The following HS6ST2 variants were observed in gnomAD, a reference collection of about 807,000 sequenced individuals.
HS6ST2 encodes the protein heparan-sulfate 6-O-sulfotransferase 2.
HS6ST2 carries 17 observed loss-of-function variants against 33.0 expected under a neutral mutation model. The observed-to-expected ratio is 0.52, with a 90% confidence interval of 0.35 to 0.77. The LOEUF is 0.77. Ranked by LOEUF, HS6ST2 falls within the 30% of genes least tolerant of loss-of-function variation. The probability of loss-of-function intolerance (pLI) is 0.01; values close to 1 mark genes in which losing one functional copy is unlikely to be tolerated. For missense variants in HS6ST2, 519 were observed against 551.7 expected (o/e 0.94, Z 0.59); for synonymous variants, 248 against 237.1 (o/e 1.05, Z -0.42).
At chrX:132,640,176 C>A (rs974463811) in intron 4 of HS6ST2, among the ~76,000 whole-genome samples, 1 of 109,510 alleles carries the variant, frequency 9.1e-6, no homozygotes, top group African/African-American at 3.3e-5. Flanking sequence ...CGGGTGCCAG[C>A]TTTCAACGGG....
chrX:132,676,651 AG>A (rs2063925416), intron 3 of HS6ST2, among the ~76,000 whole-genome samples: 1 of 111,744 alleles, frequency 8.9e-6, no homozygotes, highest in Non-Finnish European at 1.9e-5. Flanking sequence ...TTTTAAATGC[AG>A]GTGGCAGGGA....
At chrX:132,772,659 GCAATATAATTATATTGTATA>G (rs2148322635) in intron 2 of HS6ST2, among the ~76,000 whole-genome samples, 1 of 96,776 alleles carries the variant, frequency 1.0e-5, no homozygotes, top group Non-Finnish European at 2.0e-5. Flanking sequence ...ATAATTGTAT[GCAATATAATTATATTGTATA>G]CAATATAATT....
chrX:132,757,155 A>G (rs2064763676), intron 2 of HS6ST2, among the ~76,000 whole-genome samples: 1 of 111,723 alleles, frequency 9.0e-6, no homozygotes, highest in Non-Finnish European at 1.9e-5. Flanking sequence ...GAGAAACCCT[A>G]ACAGCTGGGG....
chrX:132,742,627 A>G (rs1204555448), intron 2 of HS6ST2, among the ~76,000 whole-genome samples: 1 of 112,302 alleles, frequency 8.9e-6, no homozygotes, highest in African/African-American at 3.2e-5. Flanking sequence ...TCCCAACAAC[A>G]GGTGCAATAC....
Position 132,815,261 on chromosome X carries a change from T to G in HS6ST2, c.948-106767A>C, listed in dbSNP as rs184644365. On this transcript the variant is annotated intron_variant, in intron 2 of 4. Transcript: ENST00000370833. ...GTTTTTATATTTAATAACTAGGTAA[T>G]GAAATAATAATAACAATCATTTTAT... Among the ~76,000 whole-genome samples the G allele has an allele frequency of 6.2e-5, 7 of 112,695 alleles. No individual in the cohort carries two copies. In the Admixed American group the frequency reaches 6.6e-4, roughly 11 times the overall value.
intron 4 of HS6ST2, among the ~76,000 whole-genome samples, chrX:132,657,572 T>A (rs1241310902): frequency 9.2e-6 from 1 of 109,100 alleles, no homozygotes; most frequent in East Asian, 3.0e-4. Flanking sequence ...AAAACCACCA[T>A]GAAGTATGTT....
chrX:132,649,280 C>T (rs189447344), intron 4 of HS6ST2, among the ~76,000 whole-genome samples: 4 of 111,498 alleles, frequency 3.6e-5, no homozygotes, highest in African/African-American at 1.3e-4. Flanking sequence ...ACAGAAATAT[C>T]GAATTCAAGT....
intron 2 of HS6ST2, among the ~76,000 whole-genome samples, chrX:132,760,723 T>A (rs770074404): frequency 9.0e-6 from 1 of 110,838 alleles, no homozygotes; most frequent in East Asian, 2.8e-4. Context: ...TCGAGTTCAG[T>A]GGAGGGGGCA....
intron 3 of HS6ST2, among the ~76,000 whole-genome samples, chrX:132,692,058 A>G (rs1246322216): frequency 8.9e-6 from 1 of 112,187 alleles, no homozygotes; most frequent in Non-Finnish European, 1.9e-5. Flanking sequence ...TTAGTTGTTT[A>G]TAGAACAATT....
chrX:132,866,498 T>C (rs2065984005), intron 2 of HS6ST2, among the ~76,000 whole-genome samples: 2 of 84,999 alleles, frequency 2.4e-5, no homozygotes, highest in African/African-American at 9.1e-5. Flanking sequence ...TAAAGTAGTT[T>C]TTTCCAATTC....
At chrX:132,666,739 A>G (rs1441481004) in intron 4 of HS6ST2, among the ~76,000 whole-genome samples, 1 of 111,908 alleles carries the variant, frequency 8.9e-6, no homozygotes, top group Non-Finnish European at 1.9e-5. Flanking sequence ...ATTTCTTTTC[A>G]GAGAAGGAAA....
At chrX:132,871,046 T>C (rs1163997123) in intron 2 of HS6ST2, among the ~76,000 whole-genome samples, 1 of 110,213 alleles carries the variant, frequency 9.1e-6, no homozygotes, top group Non-Finnish European at 1.9e-5. Context: ...AGGGCCAATA[T>C]CCAGAATCTA....
intron 2 of HS6ST2, among the ~76,000 whole-genome samples, chrX:132,769,123 G>T (rs751854124): frequency 1.8e-5 from 2 of 111,858 alleles, no homozygotes; most frequent in Non-Finnish European, 3.8e-5. Context: ...TTTCCTCGGG[G>T]TGAGCTCTAT....
At chrX:132,797,349 T>A (rs2065191403) in intron 2 of HS6ST2, among the ~76,000 whole-genome samples, 1 of 111,590 alleles carries the variant, frequency 9.0e-6, no homozygotes, top group Admixed American at 9.5e-5. Context: ...AGATGAAAGC[T>A]CAAGCCTTCA....
At chrX:132,650,741 A>ATCTCTCTCTCTCTCTCTCTCTCTC (rs3066707) in intron 4 of HS6ST2, among the ~76,000 whole-genome samples, 5 of 87,387 alleles carry the variant, frequency 5.7e-5, no homozygotes, top group African/African-American at 2.3e-4. Context: ...CATAGGAGGG[A>ATCTCTCTCTCTCTCTCTCTCTCTC]TCTCTCTCTC....
At chrX:132,712,018 A>G (rs149670598) in intron 2 of HS6ST2, among the ~76,000 whole-genome samples, 2,646 of 111,516 alleles carry the variant, frequency 0.024, 57 homozygotes, top group East Asian at 0.15. Flanking sequence ...GGAAGTTGTT[A>G]AGAAACCCAC....
intron 2 of HS6ST2, among the ~76,000 whole-genome samples, chrX:132,718,884 T>C (rs1431996011): frequency 3.6e-5 from 4 of 111,052 alleles, no homozygotes; most frequent in Non-Finnish European, 7.5e-5. Flanking sequence ...TCTCTCTCTC[T>C]CTCTTTGAAG....
At chrX:132,913,159 C>T (rs766682169) in intron 2 of HS6ST2, among the ~76,000 whole-genome samples, 29 of 111,195 alleles carry the variant, frequency 2.6e-4, no homozygotes, top group Non-Finnish European at 4.3e-4. Flanking sequence ...CAGTTGTCAA[C>T]GTACCCTCAT....
intron 3 of HS6ST2, among the ~76,000 whole-genome samples, chrX:132,693,786 C>A (rs985812157): frequency 9.0e-6 from 1 of 111,021 alleles, no homozygotes; most frequent in Non-Finnish European, 1.9e-5. Flanking sequence ...GGGAAGTGAG[C>A]TAGTAAATAC....
Sources: gnomAD v4.1 joint callset for allele counts (sites outside exome capture counted in the v4.1 genomes callset) on GRCh38, gnomAD v4.1.1 for gene constraint, MANE v1.5 for transcripts, NCBI Gene and HGNC (gene_info 2026-07-23, HGNC 2026-07-21) for gene names.